The following GXYLT2 variants were observed in gnomAD, a reference collection of about 807,000 sequenced individuals.
GXYLT2 encodes the protein glycosyltransferase 8 domain containing 4.
Under a neutral mutation model 45.8 loss-of-function variants are expected in GXYLT2, and 53 were observed. The ratio of observed to expected loss-of-function variants is 1.16; its 90% CI spans 0.93 to 1.46. GXYLT2 has a LOEUF of 1.46. GXYLT2 is among the 40% of genes most tolerant of loss of function. GXYLT2 has a pLI of 0.00. For synonymous variants in GXYLT2, 219 were observed against 214.2 expected (o/e 1.02, Z -0.19); for missense variants, 551 against 544.4 (o/e 1.01, Z -0.12).
At chr3:72,919,921 A>G (rs1452024438) in intron 2 of GXYLT2, among the ~76,000 whole-genome samples, 1 of 152,172 alleles carries the variant, frequency 6.6e-6, no homozygotes, top group African/African-American at 2.4e-5. Flanking sequence ...AATTAACACT[A>G]ATGTAAACTG....
chr3:72,958,918 C>T (rs2107145806), intron 5 of GXYLT2, among the ~76,000 whole-genome samples: 2 of 150,866 alleles, frequency 1.3e-5, no homozygotes, highest in South Asian at 4.2e-4. Flanking sequence ...AGGCATCAGC[C>T]ACGGTGCCCA....
chr3:72,894,998 C>A (rs1709260697), intron 1 of GXYLT2, among the ~76,000 whole-genome samples: 1 of 152,156 alleles, frequency 6.6e-6, no homozygotes, highest in South Asian at 2.1e-4. Flanking sequence ...TGGGTCTTTT[C>A]TTCAGCCTCT....
At chr3:72,961,820 G>C (rs1434418154) in intron 5 of GXYLT2, among the ~76,000 whole-genome samples, 1 of 152,134 alleles carries the variant, frequency 6.6e-6, no homozygotes, top group Non-Finnish European at 1.5e-5. Flanking sequence ...CCTTCTACAA[G>C]GGCAATTTCT....
At chr3:72,970,662 C>G (rs1441945363) in intron 6 of GXYLT2, among the ~76,000 whole-genome samples, 2 of 151,948 alleles carry the variant, frequency 1.3e-5, no homozygotes, top group Non-Finnish European at 2.9e-5. Flanking sequence ...GAGTTCGAGA[C>G]CAGCCTGACC....
At chr3:72,923,570 C>G (rs183198866) in intron 3 of GXYLT2, among the ~76,000 whole-genome samples, 2 of 152,280 alleles carry the variant, frequency 1.3e-5, no homozygotes, top group Admixed American at 1.3e-4. Context: ...TTCATGCCTT[C>G]AGTAGACATT....
chr3:72,957,377 T>C, intron 5 of GXYLT2, 25 bp downstream of exon 5: 1 of 1,575,868 alleles, frequency 6.3e-7, no homozygotes. Context: ...GAGAATGCCT[T>C]TTGTGTAGGA....
At chr3:72,929,286 TC>T (rs1315839262) in intron 3 of GXYLT2, 1 of 1,290,028 alleles carries the variant, frequency 7.8e-7, no homozygotes, top group East Asian at 2.3e-5. Context: ...GGCCGAATCT[TC>T]CTTCAGGATA....
chr3:72,896,963 A>G (rs2107062515), intron 1 of GXYLT2, among the ~76,000 whole-genome samples: 1 of 152,314 alleles, frequency 6.6e-6, no homozygotes, highest in Non-Finnish European at 1.5e-5. Context: ...TGGTTTTGGC[A>G]TGGATATAAC....
At position 72,975,640 on chromosome 3, in the gene GXYLT2, T is replaced by G. The variant is rs946659044; in HGVS notation, c.*481T>G. The G allele has an allele frequency of 3.9e-5, 6 of 152,702 alleles. No homozygotes were observed. The highest frequency in any genetic ancestry group is 8.8e-5 in the Non-Finnish European group (6 of 68,426). The allele number at this position is 152,702 out of a possible 1,614,324, so 9.5% of individuals were successfully genotyped here. On this transcript the variant is annotated 3_prime_UTR_variant, in exon 7 of 7. Transcript: ENST00000389617. ...CTCAACATCAAGATTAGATTAGCCA[T>G]AATCCTATTGACCAGTGGAAAAGAT...
In GXYLT2 at chr3:72,975,249, T is replaced by A; in HGVS notation, c.*90T>A. ...GCCTGGGTCTTTTTGTGTGAATATT[T>A]AATGGTGCTCCATGACTGTTGAGTT... On this transcript the variant is annotated 3_prime_UTR_variant, in exon 7 of 7. Coordinates refer to ENST00000389617, the MANE Select transcript of GXYLT2 (RefSeq NM_001080393.2). The A allele has an allele frequency of 1.0e-6, 1 of 976,498 alleles. No homozygotes were observed. The highest frequency in any genetic ancestry group is 1.5e-6 in the Non-Finnish European group (1 of 672,896). The allele number at this position is 976,498 out of a possible 1,614,324, so 60.5% of individuals were successfully genotyped here.
At chr3:72,949,573 G>T (rs1710477296) in intron 3 of GXYLT2, among the ~76,000 whole-genome samples, 2 of 143,378 alleles carry the variant, frequency 1.4e-5, no homozygotes, top group African/African-American at 5.3e-5. Context: ...GTGCCATGGG[G>T]CGATCTCAGC....
intron 3 of GXYLT2, among the ~76,000 whole-genome samples, chr3:72,923,082 C>G (rs1709857781): frequency 6.6e-6 from 1 of 152,176 alleles, no homozygotes; most frequent in Admixed American, 6.5e-5. Flanking sequence ...TGGTGAAACC[C>G]TGTCTCTACT....
intron 2 of GXYLT2, among the ~76,000 whole-genome samples, chr3:72,913,328 G>A (rs1438052548): frequency 2.7e-5 from 4 of 150,586 alleles, no homozygotes; most frequent in South Asian, 4.3e-4. Context: ...GTGAGCCACC[G>A]CGCCCGGCCT....
intron 2 of GXYLT2, among the ~76,000 whole-genome samples, chr3:72,912,608 A>G (rs1224812765): frequency 2.0e-5 from 3 of 152,226 alleles, no homozygotes; most frequent in African/African-American, 4.8e-5. Context: ...GCTATGTGAC[A>G]AAAAAAGGAT....
intron 3 of GXYLT2, among the ~76,000 whole-genome samples, chr3:72,954,856 G>A (rs1710603843): frequency 6.6e-6 from 1 of 151,906 alleles, no homozygotes; most frequent in African/African-American, 2.4e-5. Context: ...TCCCAGAATT[G>A]GGCTAATCCA....
At chr3:72,926,639 A>C (rs530186194) in intron 3 of GXYLT2, among the ~76,000 whole-genome samples, 2 of 152,244 alleles carry the variant, frequency 1.3e-5, no homozygotes, top group African/African-American at 2.4e-5. Context: ...GTGAGATTTT[A>C]TAATAGATCT....
chr3:72,902,863 A>T (rs1363648639), intron 1 of GXYLT2, among the ~76,000 whole-genome samples: 2 of 152,010 alleles, frequency 1.3e-5, no homozygotes, highest in African/African-American at 4.8e-5. Context: ...AAATACAAAA[A>T]TTAGCTGGGT....
At position 72,945,319 on chromosome 3, in the gene GXYLT2, A is replaced by T. The variant is rs1433156938; in HGVS notation, c.601-9779A>T. On this transcript the variant is annotated intron_variant, in intron 3 of 6. Transcript: ENST00000389617. ...TAAAAAAATAAAAATAAAATAAAAT[A>T]ATAGTGTTTCTGAGTGAGCTCAACA... is the stretch of plus-strand genomic sequence containing the variant. 7.2e-5 allele frequency among the ~76,000 whole-genome samples: 11 copies of T among 152,064 alleles called. No homozygotes were observed. In the South Asian group the frequency reaches 1.5e-3, roughly 20 times the overall value.
chr3:72,907,350 A>G (rs1390598882), intron 1 of GXYLT2, among the ~76,000 whole-genome samples: 3 of 152,194 alleles, frequency 2.0e-5, no homozygotes, highest in African/African-American at 7.2e-5. Context: ...CCATTATTCA[A>G]CCATGCAGTG....
Sources: gnomAD v4.1 joint callset for allele counts (sites outside exome capture counted in the v4.1 genomes callset) on GRCh38, gnomAD v4.1.1 for gene constraint, MANE v1.5 for transcripts, NCBI Gene and HGNC (gene_info 2026-07-23, HGNC 2026-07-21) for gene names.